Variants in ABCC6 observed in about 807,000 individuals in gnomAD.
ABCC6 encodes the protein ATP-binding cassette sub-family C member 6.
ABCC6 carries 126 observed loss-of-function variants against 169.5 expected under a neutral mutation model. The ratio of observed to expected loss-of-function variants is 0.74; its 90% CI spans 0.64 to 0.86. ABCC6 has a LOEUF of 0.86. Ranked by LOEUF, ABCC6 falls within the 40% of genes least tolerant of loss-of-function variation. The pLI is 0.00. For missense variants in ABCC6, 1,733 were observed against 1,927.2 expected (o/e 0.90, Z 1.89); for synonymous variants, 752 against 814.7 (o/e 0.92, Z 1.31).
At chr16:16,160,628 CAAAAAA>C (rs34511090) in intron 25 of ABCC6, among the ~76,000 whole-genome samples, 7,620 of 76,354 alleles carry the variant, frequency 0.1, 284 homozygotes, top group Admixed American at 0.17. Flanking sequence ...CTGTTTCTAC[CAAAAAA>C]AAAAAAAAAA....
intron 9 of ABCC6, 49 bp downstream of exon 9, chr16:16,201,952 T>C (rs369255153): frequency 4.3e-5 from 70 of 1,610,670 alleles, no homozygotes; most frequent in African/African-American, 2.5e-4. Context: ...CGCTCAGTGA[T>C]ACTGCTTTTC....
At chr16:16,166,081 C>CAAAAAA in intron 22 of ABCC6, 148 bp from the exon 23 acceptor site, 1 of 783,474 alleles carries the variant, frequency 1.3e-6, no homozygotes, top group Non-Finnish European at 2.0e-6. Flanking sequence ...GACAGGGTCT[C>CAAAAAA]ACTCTGTCAC....
At chr16:16,221,018 A>G (rs1217138304) in intron 2 of ABCC6, among the ~76,000 whole-genome samples, 2 of 152,008 alleles carry the variant, frequency 1.3e-5, no homozygotes, top group African/African-American at 4.8e-5. Context: ...TGGCTCACAA[A>G]GTCTCAAATA....
intron 27 of ABCC6, among the ~76,000 whole-genome samples, chr16:16,156,887 G>A (rs2046567147): frequency 7.0e-6 from 1 of 142,284 alleles, no homozygotes; most frequent in Admixed American, 7.6e-5. Context: ...AGGTTGCAGT[G>A]ATCTAAGGTC....
At chr16:16,166,783 C>T (rs1465202765) in intron 22 of ABCC6, among the ~76,000 whole-genome samples, 1 of 152,058 alleles carries the variant, frequency 6.6e-6, no homozygotes, top group East Asian at 1.9e-4. Context: ...CCTAGCTACT[C>T]AGGAGGCTGA....
rs1177228808 is a variant in ABCC6 at position 16,165,778 on chromosome 16, C to T, written c.3151G>A (p.Glu1051Lys). ...IGHLLNRFSK[E>K]TDTVDVDIPD... Reference sequence around the variant, plus strand: ...ATGTCCACGTCAACCGTGTCTGTCTCCTTGGAGAAGCGGTTTAGCAGGTGA... The same window carrying T: ...ATGTCCACGTCAACCGTGTCTGTCTTCTTGGAGAAGCGGTTTAGCAGGTGA... The change falls in exon 23 of 31, where the codon GAG (glutamate) becomes AAG (lysine). Residue 1051 changes from glutamate to lysine, a missense_variant. Around this residue, in one of 5 missense-constraint regions of ABCC6, gnomAD observed 1,601 missense variants for 1,635.5 expected, o/e 0.98. Coordinates refer to ENST00000205557, the MANE Select transcript of ABCC6 (RefSeq NM_001171.6). 6.2e-7 allele frequency: 1 copy of T among 1,613,796 alleles called. No homozygotes were observed. The highest frequency in any genetic ancestry group is 1.1e-5 in the South Asian group (1 of 91,086).
In ABCC6 at chr16:16,178,965, C is replaced by T. The variant is rs1192373126; in HGVS notation, c.2248G>A (p.Gly750Ser). Residue 750 changes from glycine to serine, a missense_variant and splice_region_variant, in exon 18 of 31, where the codon GGC (glycine) becomes AGC (serine). Physicochemically the swap from Gly to Ser is moderately conservative, Grantham distance 56. Transcript: ENST00000205557. ...TTCTGGCCTCCGGAGAGATTCATGC[C>T]CTGTGGCCACAAAAGGAACAGTGGC... ...EGIHTSIGEQ[G>S]MNLSGGQKQR... The T allele has an allele frequency of 1.4e-5, 23 of 1,612,144 alleles. No individual in the cohort carries two copies. Among genetic ancestry groups the T allele is most frequent in the Non-Finnish European group, 1.7e-5 (20 of 1,179,976 alleles).
In ABCC6 at chr16:16,149,889, C is replaced by G; in HGVS notation, c.*244G>C. On this transcript the variant is annotated 3_prime_UTR_variant, in exon 31 of 31. Transcript: ENST00000205557. ...CAGCGGGGCTGAGAGTCGCTGTTGACATTGGCTGCAGGGTGGACAGGGCGA... is the reference window on the plus strand; with the variant it reads ...CAGCGGGGCTGAGAGTCGCTGTTGAGATTGGCTGCAGGGTGGACAGGGCGA... 1 of 603,370 alleles carries G rather than the reference C, an allele frequency of 1.7e-6. No homozygotes were observed. Among genetic ancestry groups the G allele is most frequent in the Non-Finnish European group, 3.0e-6 (1 of 337,698 alleles). 37.4% of individuals were successfully genotyped at this position (603,370 alleles called of 1,614,324 possible).
rs57499497 is a variant in ABCC6 at position 16,198,075 on chromosome 16, G to A, written c.1284C>T (p.Asn428=). The change falls in exon 10 of 31, where the codon AAC becomes AAT. Residue 428 remains asparagine, a synonymous_variant. Transcript: ENST00000205557. Reference sequence around the variant, plus strand: ...TCCAGACGAGAGGCAGCCACAGCCCGTTGAGGTAGAGGACGCTCTCGGTCA... The same window carrying A: ...TCCAGACGAGAGGCAGCCACAGCCCATTGAGGTAGAGGACGCTCTCGGTCA... ...QRLTESVLYL[N]GLWLPLVWIV... 4,476 of 1,614,136 alleles carry A rather than the reference G, an allele frequency of 2.8e-3. 5 individuals carry two copies. Among genetic ancestry groups the A allele is most frequent in the Non-Finnish European group, 3.2e-3 (3,722 of 1,180,016 alleles).
At chr16:16,201,610 T>C (rs571634468) in intron 9 of ABCC6, among the ~76,000 whole-genome samples, 1 of 152,240 alleles carries the variant, frequency 6.6e-6, no homozygotes, top group East Asian at 1.9e-4. Flanking sequence ...GACAGATCAC[T>C]TGAGGCTAGG....
chr16:16,185,272 C>T (rs1420419229), intron 14 of ABCC6, among the ~76,000 whole-genome samples: 2 of 152,224 alleles, frequency 1.3e-5, no homozygotes, highest in African/African-American at 4.8e-5. Context: ...GGCCCAGAGA[C>T]CAAATCCTGC....
In ABCC6 at chr16:16,190,240, T is replaced by C; in HGVS notation, c.1559A>G (p.Gln520Arg). Residue 520 changes from glutamine (Q) to arginine (R), a missense_variant, in exon 12 of 31, where the codon CAG (glutamine) becomes CGG (arginine). By Grantham distance (43) the Gln-to-Arg change is conservative. Coordinates refer to ENST00000205557, the MANE Select transcript of ABCC6 (RefSeq NM_001171.6). ...FLDRVLGIRG[Q>R]ELGALRTSGL... ...GGAGGTCCGCAAGGCGCCCAGCTCC[T>C]GGCCTCGGATGCCCAGGACTCTGTC... 6.2e-7 allele frequency: 1 copy of C among 1,614,106 alleles called. No individual in the cohort carries two copies. The highest frequency in any genetic ancestry group is 8.5e-7 in the Non-Finnish European group (1 of 1,180,016).
intron 8 of ABCC6, among the ~76,000 whole-genome samples, chr16:16,202,676 C>G (rs1263760435): frequency 2.6e-5 from 4 of 152,064 alleles, no homozygotes; most frequent in Non-Finnish European, 4.4e-5. Flanking sequence ...CAACTGCAAG[C>G]CAAGGACAGA....
chr16:16,150,293 C>T lies in ABCC6; in HGVS notation c.4404-52G>A, dbSNP rs775884203. The T allele has an allele frequency of 2.7e-5, 44 of 1,611,292 alleles. No homozygotes were observed. In the East Asian group the frequency reaches 7.8e-4, roughly 29 times the overall value. Reference sequence around the variant, plus strand: ...CTCTTTGGACACCAGCCCAGGCTCTCGGCAGCTGTGAGAGCCCAGTGTGTC... The same window carrying T: ...CTCTTTGGACACCAGCCCAGGCTCTTGGCAGCTGTGAGAGCCCAGTGTGTC... On this transcript the variant is annotated intron_variant, in intron 30 of 30. Transcript: ENST00000205557.
At chr16:16,218,851 A>G (rs2048971268) in intron 4 of ABCC6, among the ~76,000 whole-genome samples, 1 of 47,494 alleles carries the variant, frequency 2.1e-5, no homozygotes, top group South Asian at 9.5e-4. Context: ...TCTACTAAAA[A>G]TACAAAAATT....
At chr16:16,169,127 T>C (rs74556860) in intron 22 of ABCC6, among the ~76,000 whole-genome samples, 18,085 of 152,160 alleles carry the variant, frequency 0.12, 1,180 homozygotes, top group Non-Finnish European at 0.15. Context: ...TTGAGATCCA[T>C]GGATTGATGG....
In ABCC6 at chr16:16,192,838, G is replaced by C. The variant is rs758767349; in HGVS notation, c.1423C>G (p.His475Asp). ...TTTCCCAAAAGCCAAACCTGATGGT[G>C]GTTCCTTTTCTTGGAGATGAAGAAA... ...LNFFISKKRNHHQEEQMRQKD... is the reference protein window; with the variant it reads ...LNFFISKKRNDHQEEQMRQKD... The change falls in exon 11 of 31, where the codon CAC (histidine) becomes GAC (aspartate). Residue 475 changes from histidine (H) to aspartate (D), a missense_variant. Around this residue, in one of 5 missense-constraint regions of ABCC6, gnomAD observed 1,601 missense variants for 1,635.5 expected, o/e 0.98. Coordinates refer to ENST00000205557, the MANE Select transcript of ABCC6 (RefSeq NM_001171.6). 1.9e-6 allele frequency: 3 copies of C among 1,613,876 alleles called. No individual in the cohort carries two copies. Among genetic ancestry groups the C allele is most frequent in the Non-Finnish European group, 2.5e-6 (3 of 1,179,836 alleles).
chr16:16,192,734 G>T, intron 11 of ABCC6, 96 bp downstream of exon 11: 2 of 1,154,036 alleles, frequency 1.7e-6, no homozygotes, highest in Non-Finnish European at 2.6e-6. Context: ...AGACCCGTGG[G>T]CTCGCACTCA....
Position 16,149,804 on chromosome 16 carries a change from T to G in ABCC6, c.*329A>C. The G allele has an allele frequency of 1.5e-5, 7 of 463,206 alleles. No individual in the cohort carries two copies. Among genetic ancestry groups the G allele is most frequent in the East Asian group, 3.7e-5 (1 of 26,938 alleles). 28.7% of individuals were successfully genotyped at this position (463,206 alleles called of 1,614,324 possible). A position where few individuals can be genotyped will look rare whatever the true frequency, so the allele number is the denominator to read the frequency against. ...CAGTTCCCAGCCTCAGAGATTCTGA[T>G]TTAAGGGTCTAGCCGGGAGCCTGGG... On this transcript the variant is annotated 3_prime_UTR_variant, in exon 31 of 31. Transcript: ENST00000205557.
Sources: gnomAD v4.1 joint callset for allele counts (sites outside exome capture counted in the v4.1 genomes callset) on GRCh38, gnomAD v4.1.1 for gene constraint, gnomAD v4.1.1 regional missense constraint, MANE v1.5 for transcripts, NCBI Gene and HGNC (gene_info 2026-07-23, HGNC 2026-07-21) for gene names.